SVEP1: variants seen among roughly 807,000 people sequenced by gnomAD.
SVEP1 encodes the protein sushi, von Willebrand factor type A, EGF and pentraxin domain-containing protein 1.
SVEP1 carries 164 observed loss-of-function variants against 367.3 expected under a neutral mutation model. That is an observed-to-expected ratio of 0.45 (90% CI 0.39 to 0.51). SVEP1 has a LOEUF of 0.51. SVEP1 is among the 20% of genes least tolerant of loss of function. The pLI is 0.00. For synonymous variants in SVEP1, 1,666 were observed against 1,611.6 expected, an observed-to-expected ratio of 1.03 and a Z score of -0.81; for missense variants, 4,117 against 4,425.3, an observed-to-expected ratio of 0.93 and a Z score of 1.98.
intron 3 of SVEP1, among the ~76,000 whole-genome samples, chr9:110,541,847 C>CTA (rs1188694439): frequency 1.5e-5 from 2 of 135,750 alleles, no homozygotes; most frequent in Admixed American, 1.5e-4. Context: ...ACATAGATAT[C>CTA]TATATATATC....
At chr9:110,400,216 C>T (rs940331583) in intron 40 of SVEP1, among the ~76,000 whole-genome samples, 2 of 152,148 alleles carry the variant, frequency 1.3e-5, no homozygotes, top group East Asian at 1.9e-4. Flanking sequence ...CCATGGTGAC[C>T]GGTGGACTTC....
chr9:110,423,130 T>A (rs1195205559), intron 36 of SVEP1, among the ~76,000 whole-genome samples: 1 of 55,116 alleles, frequency 1.8e-5, no homozygotes, highest in Non-Finnish European at 3.9e-5. Flanking sequence ...TAAAAAATAA[T>A]AATAATAAAA....
In SVEP1 at chr9:110,499,241, A is replaced by G. The variant is rs1588082211; in HGVS notation, c.1484-3T>C. On this transcript the variant is annotated splice_polypyrimidine_tract_variant and splice_region_variant and intron_variant, in intron 6 of 47. Transcript: ENST00000374469. ...CTGAAAGGTGGAACAGTGGCGCTCT[A>G]CGGTAGGGAAACAGAGAGAATGTTA... 1 of 1,608,228 alleles carries G rather than the reference A, an allele frequency of 6.2e-7. No individual in the cohort carries two copies. The highest frequency in any genetic ancestry group is 2.2e-5 in the East Asian group (1 of 44,784).
chr9:110,386,607 T>A (rs1245805554), intron 42 of SVEP1, among the ~76,000 whole-genome samples: 1 of 152,232 alleles, frequency 6.6e-6, no homozygotes, highest in Non-Finnish European at 1.5e-5. Flanking sequence ...GGAGTTTGCA[T>A]GTTTTATTGA....
At chr9:110,541,491 C>G in intron 3 of SVEP1, among the ~76,000 whole-genome samples, 1 of 152,016 alleles carries the variant, frequency 6.6e-6, no homozygotes, top group East Asian at 1.9e-4. Flanking sequence ...CAGGATAATA[C>G]CCCTAGTCTA....
chr9:110,522,618 G>C (rs933577681), intron 3 of SVEP1, among the ~76,000 whole-genome samples: 1 of 152,160 alleles, frequency 6.6e-6, no homozygotes, highest in Non-Finnish European at 1.5e-5. Context: ...GAGAGAATCG[G>C]CATATGTCAG....
chr9:110,457,569 C>T (rs1053985878), intron 20 of SVEP1, among the ~76,000 whole-genome samples: 3 of 152,038 alleles, frequency 2.0e-5, no homozygotes, highest in African/African-American at 7.3e-5. Flanking sequence ...TCTGGTAAAC[C>T]TAAGGAGTGT....
Position 110,468,942 on chromosome 9 carries a change from T to G in SVEP1, c.3158A>C (p.Lys1053Thr). ...TGAAATGTCCAGTAAGCCTCTACCT[T>G]TACAATCAGAGATGTTTCTTGAATG... Reference protein sequence around the residue: ...YIHSRNISDCKAQCKQGTYSY... With the variant: ...YIHSRNISDCTAQCKQGTYSY... The change falls in exon 17 of 48, where the codon AAA (lysine) becomes ACA (threonine). Residue 1053 changes from lysine to threonine, a missense_variant and splice_region_variant. This residue lies in a region of SVEP1 where 2,174 missense variants were observed against 2,494.3 expected (regional missense o/e 0.87). Transcript: ENST00000374469. The G allele has an allele frequency of 6.3e-7, 1 of 1,585,864 alleles. No homozygotes were observed.
At chr9:110,476,464 C>T (rs1038987593) in intron 13 of SVEP1, 149 bp from the exon 14 acceptor site, 1 of 628,846 alleles carries the variant, frequency 1.6e-6, no homozygotes, top group Non-Finnish European at 2.8e-6. Context: ...GGATTCTGAC[C>T]CTCCTCCCCT....
chr9:110,391,551 C>T (rs1417564609), intron 40 of SVEP1, among the ~76,000 whole-genome samples: 2 of 152,048 alleles, frequency 1.3e-5, no homozygotes, highest in African/African-American at 2.4e-5. Context: ...AGGTTATAGG[C>T]GTGAGCCACC....
At chr9:110,567,230 G>C (rs1355455072) in intron 1 of SVEP1, among the ~76,000 whole-genome samples, 1 of 152,136 alleles carries the variant, frequency 6.6e-6, no homozygotes, top group Non-Finnish European at 1.5e-5. Context: ...TTTGTCGTAA[G>C]CAAGCAGAGG....
At chr9:110,541,515 G>T (rs1830144478) in intron 3 of SVEP1, among the ~76,000 whole-genome samples, 1 of 152,020 alleles carries the variant, frequency 6.6e-6, no homozygotes, top group Admixed American at 6.6e-5. Flanking sequence ...TAGAACAGTA[G>T]AATTCATAAG....
At chr9:110,444,286 G>T (rs1828557290) in intron 26 of SVEP1, among the ~76,000 whole-genome samples, 1 of 152,172 alleles carries the variant, frequency 6.6e-6, no homozygotes, top group Admixed American at 6.5e-5. Context: ...GGTCATGAAG[G>T]CTCTGAAGAG....
intron 1 of SVEP1, among the ~76,000 whole-genome samples, chr9:110,574,747 T>A (rs961216985): frequency 3.5e-5 from 3 of 86,156 alleles, no homozygotes; most frequent in Non-Finnish European, 7.8e-5. Context: ...GACCTTCTTT[T>A]TTTTTTTTTT....
rs1827953046 is a variant in SVEP1, at chr9:110,406,286, G to A, written c.9314C>T (p.Thr3105Ile). Residue 3105 changes from threonine (T) to isoleucine (I), a missense_variant, in exon 38 of 48, where the codon ACA (threonine) becomes ATA (isoleucine). This residue lies in a region of SVEP1 where 1,765 missense variants were observed against 1,781.1 expected (regional missense o/e 0.99). Coordinates refer to ENST00000374469, the MANE Select transcript of SVEP1 (RefSeq NM_153366.4). ...AGGCTGGCTCCATACCCCTTTCTCT[G>A]TACAAATCAGATCTGAACTGCCTTG... is the stretch of plus-strand genomic sequence containing the variant. ...VIQGSSDLIC[T>I]EKGVWSQPYP... 2 of 1,614,030 alleles carry A rather than the reference G, an allele frequency of 1.2e-6. No homozygotes were observed. The highest frequency in any genetic ancestry group is 1.1e-5 in the South Asian group (1 of 91,082).
chr9:110,579,393 C>G lies in SVEP1; in HGVS notation c.151G>C (p.Ala51Pro). The G allele has an allele frequency of 6.4e-7, 1 of 1,569,142 alleles. No homozygotes were observed. The highest frequency in any genetic ancestry group is 1.2e-5 in the South Asian group (1 of 85,802). The stretch of plus-strand genomic sequence containing the variant: ...CTCCCCGCCGCTTCGTCGCCAGGAG[C>G]GGGCGGCGCGGGGATACTCCCGGGG... ...GAPGSIPAPP[A>P]PGDEAAGSRV... Residue 51 changes from alanine (A) to proline (P), a missense_variant, in exon 1 of 48, where the codon GCT becomes CCT. By Grantham distance (27) the Ala-to-Pro change is conservative. Around this residue, in one of 4 missense-constraint regions of SVEP1, gnomAD observed 161 missense variants for 122.4 expected, o/e 1.32. Transcript: ENST00000374469. The surrounding 1 kb of genome is among the most constrained non-coding windows in gnomAD (Gnocchi z 5.3).
intron 28 of SVEP1, among the ~76,000 whole-genome samples, chr9:110,435,865 T>C (rs141782842): frequency 6.6e-6 from 1 of 152,310 alleles, no homozygotes; most frequent in East Asian, 1.9e-4. Context: ...ATTTATCTTT[T>C]ATAGATAAGA....
chr9:110,390,470 T>C (rs1021994796), intron 40 of SVEP1, among the ~76,000 whole-genome samples: 2 of 150,296 alleles, frequency 1.3e-5, no homozygotes, highest in African/African-American at 4.9e-5. Context: ...ATCTTGGTAA[T>C]TGTGTATCCC....
chr9:110,487,577 T>C (rs1384468674), intron 9 of SVEP1, among the ~76,000 whole-genome samples: 1 of 152,240 alleles, frequency 6.6e-6, no homozygotes, highest in Non-Finnish European at 1.5e-5. Context: ...ACCAGTTTAA[T>C]ATATGTTAGT....
Sources: allele counts gnomAD v4.1 joint callset (sites outside exome capture counted in the v4.1 genomes callset), GRCh38; gene constraint gnomAD v4.1.1; regional missense constraint gnomAD v4.1.1; non-coding constraint Gnocchi (gnomAD v3.1); transcripts MANE v1.5; gene names NCBI Gene and HGNC (gene_info 2026-07-23, HGNC 2026-07-21).